Variants in MSRA observed in about 807,000 individuals in gnomAD.
The protein encoded by MSRA is mitochondrial peptide methionine sulfoxide reductase.
A neutral mutation model predicts 31.3 loss-of-function variants in MSRA; 54 were observed. That is an observed-to-expected ratio of 1.73 (90% CI 1.39 to 2.17). MSRA has a LOEUF of 2.17. Ranked by LOEUF, MSRA falls within the 30% of genes most tolerant of loss-of-function variation. MSRA has a pLI of 0.00. For missense variants in MSRA, 507 were observed against 300.9 expected, an observed-to-expected ratio of 1.69 and a Z score of -5.07; for synonymous variants, 169 against 116.5, an observed-to-expected ratio of 1.45 and a Z score of -2.90.
At chr8:10,253,299 C>G (rs563915071) in intron 3 of MSRA, among the ~76,000 whole-genome samples, 4 of 152,164 alleles carry the variant, frequency 2.6e-5, no homozygotes, top group Non-Finnish European at 5.9e-5. Context: ...ATTGCATGTG[C>G]TACGTGTTCT....
chr8:10,295,637 C>T lies in MSRA; in HGVS notation c.332-5897C>T, dbSNP rs17151640. On this transcript the variant is annotated intron_variant, in intron 3 of 5. Transcript: ENST00000317173. ...CATTTCTATGGAGAACTTGGGGTGT[C>T]ATTCTCAACTCCAGTCTGAGTTGCC... is the stretch of plus-strand genomic sequence containing the variant. 6.1e-3 allele frequency among the ~76,000 whole-genome samples: 930 copies of T among 152,328 alleles called. 6 individuals are homozygous for T. The highest frequency in any genetic ancestry group is 0.018 in the African/African-American group (733 of 41,580).
At chr8:10,383,836 C>G (rs145357547) in intron 5 of MSRA, among the ~76,000 whole-genome samples, 5 of 152,282 alleles carry the variant, frequency 3.3e-5, no homozygotes, top group African/African-American at 1.2e-4. Flanking sequence ...TTCTGCTTCA[C>G]TTGAGCACAG....
intron 2 of MSRA, among the ~76,000 whole-genome samples, chr8:10,208,595 C>G (rs1328202082): frequency 6.6e-6 from 1 of 152,006 alleles, no homozygotes; most frequent in Non-Finnish European, 1.5e-5. Flanking sequence ...CTTACCTCTT[C>G]TTCTGTTGGG....
intron 1 of MSRA, among the ~76,000 whole-genome samples, chr8:10,070,288 TTAG>T (rs1388872325): frequency 6.6e-6 from 1 of 152,200 alleles, no homozygotes; most frequent in Non-Finnish European, 1.5e-5. Flanking sequence ...TTCTGGAAAC[TTAG>T]TCAATTTGCA....
At chr8:10,389,564 C>T (rs879893926) in intron 5 of MSRA, among the ~76,000 whole-genome samples, 1 of 152,150 alleles carries the variant, frequency 6.6e-6, no homozygotes, top group Non-Finnish European at 1.5e-5. Context: ...GTTATGAGAA[C>T]CACTGACAGG....
intron 1 of MSRA, chr8:10,095,905 A>T: frequency 1.5e-6 from 2 of 1,314,208 alleles, no homozygotes; most frequent in Non-Finnish European, 2.0e-6. Context: ...ACCATGAGAG[A>T]CAGGATTAAT....
intron 5 of MSRA, among the ~76,000 whole-genome samples, 200 bp from the exon 6 acceptor site, chr8:10,427,948 C>G (rs1442658459): frequency 6.6e-6 from 1 of 152,350 alleles, no homozygotes; most frequent in South Asian, 2.1e-4. Context: ...ATTTCAGTTC[C>G]CAGTCAACTG....
chr8:10,269,021 C>T (rs1401086504), intron 3 of MSRA, among the ~76,000 whole-genome samples: 2 of 152,226 alleles, frequency 1.3e-5, no homozygotes, highest in African/African-American at 2.4e-5. Flanking sequence ...TTTGCAGGTG[C>T]GCTGTGTTTC....
intron 5 of MSRA, among the ~76,000 whole-genome samples, chr8:10,343,052 CAG>C (rs1462445391): frequency 0.043 from 2,052 of 47,268 alleles, 40 homozygotes; most frequent in South Asian, 0.16. Flanking sequence ...CACACACACA[CAG>C]ACACACACAC....
chr8:10,326,089 C>T (rs1802347568), intron 5 of MSRA, among the ~76,000 whole-genome samples: 1 of 152,170 alleles, frequency 6.6e-6, no homozygotes, highest in Non-Finnish European at 1.5e-5. Context: ...GGACATTTGT[C>T]TTCTTTGAGC....
At chr8:10,217,590 G>T (rs554879445) in intron 2 of MSRA, among the ~76,000 whole-genome samples, 14 of 152,210 alleles carry the variant, frequency 9.2e-5, no homozygotes, top group Middle Eastern at 3.4e-3. Context: ...AGCCTTGCTC[G>T]CTCAGCTTCC....
At chr8:10,328,195 A>G (rs1160798547) in intron 5 of MSRA, among the ~76,000 whole-genome samples, 2 of 151,258 alleles carry the variant, frequency 1.3e-5, no homozygotes, top group Non-Finnish European at 2.9e-5. Flanking sequence ...TGAAAGTTTG[A>G]TTATTGCCAC....
rs578119121 is a variant in MSRA, at chr8:10,208,382, C to T, written c.211+481C>T. ...TAATTAAAAATGTTTTCAGCAAAGG[C>T]CAATCCCTGAGTGATATACTTAAAA... On this transcript the variant is annotated intron_variant, in intron 2 of 5. Coordinates refer to ENST00000317173, the MANE Select transcript of MSRA (RefSeq NM_012331.5). 7.4e-4 allele frequency among the ~76,000 whole-genome samples: 112 copies of T among 152,238 alleles called. 2 individuals are homozygous for T. Among genetic ancestry groups the T allele is most frequent in the Admixed American group, 7.3e-3 (112 of 15,292 alleles).
chr8:10,159,309 C>T (rs946295480), intron 1 of MSRA, among the ~76,000 whole-genome samples: 7 of 151,920 alleles, frequency 4.6e-5, no homozygotes, highest in African/African-American at 1.7e-4. Context: ...GTGGTGTGTG[C>T]AGATCTGGAG....
At chr8:10,115,043 G>C (rs1378162784) in intron 1 of MSRA, among the ~76,000 whole-genome samples, 1 of 152,192 alleles carries the variant, frequency 6.6e-6, no homozygotes, top group African/African-American at 2.4e-5. Flanking sequence ...GAATAAACCA[G>C]TGGATTGCTG....
intron 2 of MSRA, among the ~76,000 whole-genome samples, chr8:10,236,799 G>A (rs1178339692): frequency 2.6e-5 from 4 of 152,168 alleles, no homozygotes; most frequent in African/African-American, 9.7e-5. Flanking sequence ...GGCTGCCTCG[G>A]CCTTCCAGAA....
chr8:10,134,891 C>T (rs1802157413), intron 1 of MSRA, among the ~76,000 whole-genome samples: 1 of 152,356 alleles, frequency 6.6e-6, no homozygotes, highest in African/African-American at 2.4e-5. Flanking sequence ...AAATCAGTCC[C>T]AAAGAGCTCT....
intron 3 of MSRA, among the ~76,000 whole-genome samples, chr8:10,294,575 C>T (rs577157480): frequency 3.9e-5 from 6 of 152,300 alleles, no homozygotes; most frequent in African/African-American, 1.2e-4. Flanking sequence ...TTGAGCTCTC[C>T]TCTCCATGCT....
chr8:10,167,435 T>G (rs1333643071), intron 1 of MSRA, among the ~76,000 whole-genome samples: 1 of 152,172 alleles, frequency 6.6e-6, no homozygotes, highest in Non-Finnish European at 1.5e-5. Context: ...CAGATGTGTT[T>G]GGTTTGAGTA....
Sources: allele counts gnomAD v4.1 joint callset (sites outside exome capture counted in the v4.1 genomes callset), GRCh38; gene constraint gnomAD v4.1.1; transcripts MANE v1.5; gene names NCBI Gene and HGNC (gene_info 2026-07-23, HGNC 2026-07-21).